TRPM3: variants seen among roughly 807,000 people sequenced by gnomAD.
TRPM3 encodes long transient receptor potential channel 3.
In TRPM3, 77 loss-of-function variants were observed where a neutral mutation model predicts 181.2. That is an observed-to-expected ratio of 0.42 (90% CI 0.35 to 0.51). TRPM3 has a LOEUF of 0.51. Ranked by LOEUF, TRPM3 falls within the 20% of genes least tolerant of loss-of-function variation. The pLI is 0.01. For missense variants in TRPM3, 1,759 were observed against 2,196.7 expected (o/e 0.80, Z 3.98); for synonymous variants, 745 against 796.4 (o/e 0.94, Z 1.09).
At chr9:71,206,892 T>C (rs984002489) in intron 1 of TRPM3, among the ~76,000 whole-genome samples, 7 of 151,616 alleles carry the variant, frequency 4.6e-5, no homozygotes, top group Non-Finnish European at 7.4e-5. Flanking sequence ...AAAAAAAAAA[T>C]GACTTAAAAT....
intron 1 of TRPM3, among the ~76,000 whole-genome samples, chr9:71,099,620 A>C (rs2067961655): frequency 6.6e-6 from 1 of 152,176 alleles, no homozygotes; most frequent in African/African-American, 2.4e-5. Flanking sequence ...CCCCCCCTCA[A>C]AAAACCTGGG....
chr9:70,681,396 T>G lies in TRPM3; in HGVS notation c.1345+110A>C, dbSNP rs531284032. ...GAGAGACCCCTATGTTATCAATAAT[T>G]TATTGTGTCATAGTATCATTTGGGA... On this transcript the variant is annotated intron_variant, in intron 9 of 25. Coordinates refer to ENST00000677713, the MANE Select transcript of TRPM3 (RefSeq NM_001366145.2). The G allele has an allele frequency of 2.9e-5, 26 of 890,446 alleles. 2 individuals carry two copies. The South Asian group carries it at 4.1e-4, about 14-fold the overall frequency. The allele number at this position is 890,446 out of a possible 1,614,324, so 55.2% of individuals were successfully genotyped here.
chr9:71,393,566 C>T (rs2093116185), intron 1 of TRPM3, among the ~76,000 whole-genome samples: 1 of 152,108 alleles, frequency 6.6e-6, no homozygotes, highest in African/African-American at 2.4e-5. Context: ...GGATACTTTC[C>T]CATTGTGAAC....
chr9:70,645,751 A>T (rs201277758), intron 9 of TRPM3, among the ~76,000 whole-genome samples: 3 of 145,818 alleles, frequency 2.1e-5, no homozygotes, highest in South Asian at 2.2e-4. Flanking sequence ...GCAAAAAAAA[A>T]AAATAAAAAA....
At chr9:70,538,746 T>C (rs1264712380) in intron 25 of TRPM3, among the ~76,000 whole-genome samples, 1 of 152,190 alleles carries the variant, frequency 6.6e-6, no homozygotes, top group East Asian at 1.9e-4. Context: ...GTTTGTCTCA[T>C]ATTCCTGTTT....
intron 14 of TRPM3, among the ~76,000 whole-genome samples, chr9:70,622,823 G>C (rs1179241158): frequency 6.6e-6 from 1 of 152,114 alleles, no homozygotes; most frequent in Admixed American, 6.6e-5. Context: ...ATTCATGTTA[G>C]AACAGCTCAA....
At chr9:71,072,607 C>G (rs185856973) in intron 1 of TRPM3, among the ~76,000 whole-genome samples, 2,419 of 152,182 alleles carry the variant, frequency 0.016, 50 homozygotes, top group East Asian at 0.062. Flanking sequence ...AGAGCTGGAC[C>G]CAACCCGTCT....
At chr9:70,793,483 T>C (rs1269730183) in intron 6 of TRPM3, 1 of 158,508 alleles carries the variant, frequency 6.3e-6, no homozygotes, top group Non-Finnish European at 1.3e-5. Context: ...TATATATATA[T>C]ATATATATAA....
At chr9:71,388,322 A>T (rs918087225) in intron 1 of TRPM3, among the ~76,000 whole-genome samples, 3 of 152,092 alleles carry the variant, frequency 2.0e-5, no homozygotes, top group African/African-American at 7.2e-5. Context: ...ATTTTCAATC[A>T]CTTCTGTCTG....
intron 1 of TRPM3, among the ~76,000 whole-genome samples, chr9:71,347,925 A>T (rs1176145418): frequency 1.3e-5 from 2 of 152,150 alleles, no homozygotes; most frequent in African/African-American, 4.8e-5. Flanking sequence ...CATTCCCTGC[A>T]AATAGGGCTG....
intron 1 of TRPM3, among the ~76,000 whole-genome samples, chr9:71,286,178 G>A (rs552410787): frequency 6.6e-6 from 1 of 152,306 alleles, no homozygotes; most frequent in Non-Finnish European, 1.5e-5. Context: ...GCAATTTTGT[G>A]AGGTGTCATC....
chr9:70,920,821 A>T (rs1025932404), intron 1 of TRPM3, among the ~76,000 whole-genome samples: 8 of 152,248 alleles, frequency 5.3e-5, no homozygotes, highest in African/African-American at 1.9e-4. Flanking sequence ...CATAATTTTA[A>T]CTGATCATAA....
chr9:70,598,417 A>G lies in TRPM3; in HGVS notation c.3048+2T>C. The G allele has an allele frequency of 6.2e-7, 1 of 1,612,042 alleles. No homozygotes were observed. Among genetic ancestry groups the G allele is most frequent in the Non-Finnish European group, 8.5e-7 (1 of 1,178,164 alleles). On this transcript the variant is annotated splice_donor_variant, in intron 21 of 25. Transcript: ENST00000677713. LOFTEE classifies it high-confidence loss of function. The stretch of plus-strand genomic sequence containing the variant: ...AACATGGAATCAGAAGACCCTGCTT[A>G]CCATTTTTCCAATCATCATTACATA...
At chr9:71,419,507 A>G (rs1488266053) in intron 1 of TRPM3, among the ~76,000 whole-genome samples, 1 of 152,004 alleles carries the variant, frequency 6.6e-6, no homozygotes, top group Non-Finnish European at 1.5e-5. Flanking sequence ...TCAGGTATCT[A>G]GTCAATTAAT....
At chr9:71,402,387 T>A (rs939389138) in intron 1 of TRPM3, among the ~76,000 whole-genome samples, 27 of 152,264 alleles carry the variant, frequency 1.8e-4, no homozygotes, top group African/African-American at 6.0e-4. Flanking sequence ...TCGAGATAAA[T>A]TCTTCTTTGG....
chr9:71,089,586 C>T (rs1252907955), intron 1 of TRPM3, among the ~76,000 whole-genome samples: 1 of 150,970 alleles, frequency 6.6e-6, no homozygotes, highest in Non-Finnish European at 1.5e-5. Context: ...AAAAAAAACA[C>T]CAAAGAATCA....
At chr9:70,563,263 G>C (rs2049612548) in intron 22 of TRPM3, among the ~76,000 whole-genome samples, 1 of 152,150 alleles carries the variant, frequency 6.6e-6, no homozygotes, top group African/African-American at 2.4e-5. Flanking sequence ...AGGTGATTGA[G>C]CCCAGCCCAG....
rs376469523 is a variant in TRPM3, at chr9:70,767,964, C to G, written c.1149-6240G>C. 1.3e-3 allele frequency among the ~76,000 whole-genome samples: 204 copies of G among 152,198 alleles called. 3 individuals are homozygous for G. In the South Asian group the frequency reaches 0.019, roughly 14 times the overall value. ...TATTGTAACAAGTCACTAAAAGTAG[C>G]CCAGAATCAAGAAGATGGAAGGAAT... On this transcript the variant is annotated intron_variant, in intron 7 of 25. Coordinates refer to ENST00000677713, the MANE Select transcript of TRPM3 (RefSeq NM_001366145.2).
chr9:71,048,821 T>G (rs2059752244), intron 1 of TRPM3, among the ~76,000 whole-genome samples: 1 of 152,180 alleles, frequency 6.6e-6, no homozygotes, highest in Non-Finnish European at 1.5e-5. Flanking sequence ...ACCTGGATGC[T>G]GATGTGAGAG....
Sources: allele counts gnomAD v4.1 joint callset (sites outside exome capture counted in the v4.1 genomes callset), GRCh38; gene constraint gnomAD v4.1.1; transcripts MANE v1.5; gene names NCBI Gene and HGNC (gene_info 2026-07-23, HGNC 2026-07-21).